TULP4: variants seen among roughly 807,000 people sequenced by gnomAD.
The protein encoded by TULP4 is TUB like protein 4.
Under a neutral mutation model 129.0 loss-of-function variants are expected in TULP4, and 16 were observed. That is an observed-to-expected ratio of 0.12 (90% CI 0.08 to 0.19). The LOEUF is 0.19. TULP4 is among the 10% of genes least tolerant of loss of function. TULP4 has a pLI of 1.00. For missense variants in TULP4, 1,842 were observed against 2,059.1 expected (o/e 0.89, Z 2.04); for synonymous variants, 998 against 854.0 (o/e 1.17, Z -2.94).
Position 158,504,015 on chromosome 6 carries a change from G to T in TULP4, c.4352G>T (p.Ser1451Ile), listed in dbSNP as rs1345792286. The T allele has an allele frequency of 1.9e-6, 3 of 1,612,450 alleles. No individual in the cohort carries two copies. The highest frequency in any genetic ancestry group is 2.5e-6 in the Non-Finnish European group (3 of 1,179,350). ...ELEEAKCRRA[S>I]EKEDGRLGSQ... ...GAGGAGGCCAAGTGCCGGCGGGCCAGTGAGAAGGAGGACGGGCGGCTGGGC... is the reference window on the plus strand; with the variant it reads ...GAGGAGGCCAAGTGCCGGCGGGCCATTGAGAAGGAGGACGGGCGGCTGGGC... Residue 1451 changes from serine (S) to isoleucine (I), a missense_variant, in exon 13 of 14, where the codon AGT (serine) becomes ATT (isoleucine). Physicochemically the swap from Ser to Ile is moderately radical, Grantham distance 142. Transcript: ENST00000367097.
At chr6:158,329,813 C>T (rs1459409657) in intron 1 of TULP4, among the ~76,000 whole-genome samples, 1 of 67,842 alleles carries the variant, frequency 1.5e-5, no homozygotes, top group African/African-American at 4.3e-5. Context: ...TTTAATTGTG[C>T]TTTGAAAAAC....
intron 1 of TULP4, among the ~76,000 whole-genome samples, chr6:158,411,549 A>G (rs1038483648): frequency 6.6e-6 from 1 of 152,222 alleles, no homozygotes; most frequent in Non-Finnish European, 1.5e-5. Flanking sequence ...TGATTTTTGC[A>G]GTTTTAAAAA....
Position 158,489,590 on chromosome 6 carries a change from G to A in TULP4, c.1489G>A (p.Glu497Lys). The A allele has an allele frequency of 6.2e-7, 1 of 1,614,120 alleles. No homozygotes were observed. The highest frequency in any genetic ancestry group is 8.5e-7 in the Non-Finnish European group (1 of 1,180,022). The change falls in exon 9 of 14, where the codon GAA (glutamate) becomes AAA (lysine). Residue 497 changes from glutamate (E) to lysine (K), a missense_variant and splice_region_variant. Transcript: ENST00000367097. The part of the protein sequence containing the change: ...MDPRTDSKPD[E>K]IYGNSLISTV... ...TCTGCTGGTTGGTGTTTTACCAGAT[G>A]AAATCTATGGGAACAGCTTGATTTC...
In TULP4 at chr6:158,420,656, T is replaced by G. The variant is rs1234493877; in HGVS notation, c.381+7463T>G. On this transcript the variant is annotated intron_variant, in intron 2 of 13. Coordinates refer to ENST00000367097, the MANE Select transcript of TULP4 (RefSeq NM_020245.5). ...GCCACTACACCTGGCTAATTTTTGT[T>G]TTTTTTTAGTAGAGACGAGGTTTCA... 4.0e-5 allele frequency among the ~76,000 whole-genome samples: 6 copies of G among 151,218 alleles called. No individual in the cohort carries two copies. The East Asian group carries it at 1.2e-3, about 30-fold the overall frequency.
chr6:158,401,432 G>C lies in TULP4; in HGVS notation c.253-11633G>C, dbSNP rs528268889. ...ACTAACAAGAACTGTATAAAACATAGTGCATATGTGTGCACGCAGTTTGCT... is the reference window on the plus strand; with the variant it reads ...ACTAACAAGAACTGTATAAAACATACTGCATATGTGTGCACGCAGTTTGCT... On this transcript the variant is annotated intron_variant, in intron 1 of 13. Coordinates refer to ENST00000367097, the MANE Select transcript of TULP4 (RefSeq NM_020245.5). Among the ~76,000 whole-genome samples, 6 of 152,298 alleles carry C rather than the reference G, an allele frequency of 3.9e-5. No homozygotes were observed. The East Asian group carries it at 7.7e-4, about 20-fold the overall frequency.
upstream of TULP4, chr6:158,232,196 G>A (rs1777608587): frequency 6.7e-6 from 1 of 148,284 alleles, no homozygotes. Flanking sequence ...AAGGGAGGCG[G>A]AGACTCGGCC....
intron 1 of TULP4, among the ~76,000 whole-genome samples, chr6:158,380,910 A>AAAAAAAAAGAAG (rs779845034): frequency 3.0e-5 from 4 of 135,046 alleles, no homozygotes; most frequent in African/African-American, 1.0e-4. Context: ...AAAAAAAAAA[A>AAAAAAAAAGAAG]AAGAAGAAGA....
intron 1 of TULP4, among the ~76,000 whole-genome samples, chr6:158,241,023 T>A (rs1243078981): frequency 7.5e-6 from 1 of 134,108 alleles, no homozygotes; most frequent in Non-Finnish European, 1.7e-5. Context: ...TCTCCTCACT[T>A]CTCAGATGGG....
At chr6:158,331,739 A>ATC in intron 1 of TULP4, among the ~76,000 whole-genome samples, 1 of 23,538 alleles carries the variant, frequency 4.2e-5, no homozygotes. Flanking sequence ...ATACGTATAT[A>ATC]TATACGTGTA....
chr6:158,463,406 C>T (rs1179359614), intron 6 of TULP4, among the ~76,000 whole-genome samples: 2 of 151,674 alleles, frequency 1.3e-5, no homozygotes, highest in South Asian at 2.1e-4. Context: ...GCGTAATAGA[C>T]GTATGCCTGG....
intron 1 of TULP4, among the ~76,000 whole-genome samples, chr6:158,405,627 A>G (rs1204877883): frequency 1.3e-5 from 2 of 152,200 alleles, no homozygotes; most frequent in Non-Finnish European, 2.9e-5. Context: ...CAGCAAGTCT[A>G]GACACATTCC....
At position 158,475,556 on chromosome 6, in the gene TULP4, C is replaced by T. The variant is rs181476869; in HGVS notation, c.1027-4195C>T. On this transcript the variant is annotated intron_variant, in intron 6 of 13. Coordinates refer to ENST00000367097, the MANE Select transcript of TULP4 (RefSeq NM_020245.5). ...GCAGACAGCAGCTGTTCAAACACAA[C>T]GTGAATCTGGGAGCTTTGAAGAGCT... Among the ~76,000 whole-genome samples the T allele has an allele frequency of 3.5e-3, 532 of 152,288 alleles. 2 individuals are homozygous for T. Among genetic ancestry groups the T allele is most frequent in the Admixed American group, 5.6e-3 (85 of 15,298 alleles).
intron 3 of TULP4, among the ~76,000 whole-genome samples, chr6:158,446,447 G>A (rs1333581464): frequency 6.6e-6 from 1 of 152,138 alleles, no homozygotes; most frequent in African/African-American, 2.4e-5. Context: ...AACTTAATCA[G>A]TCCTTATTCA....
chr6:158,285,152 G>A (rs973112326), intron 1 of TULP4, among the ~76,000 whole-genome samples: 1 of 152,116 alleles, frequency 6.6e-6, no homozygotes, highest in African/African-American at 2.4e-5. Context: ...CTAACAGATT[G>A]TGAACAGTTT....
intron 1 of TULP4, among the ~76,000 whole-genome samples, chr6:158,331,317 CTA>C (rs1779872541): frequency 6.6e-6 from 1 of 152,094 alleles, no homozygotes; most frequent in South Asian, 2.1e-4. Flanking sequence ...CTGTTGTTCC[CTA>C]TCCACCCACC....
chr6:158,368,042 C>T (rs1776969053), intron 1 of TULP4, among the ~76,000 whole-genome samples: 2 of 136,236 alleles, frequency 1.5e-5, no homozygotes, highest in Non-Finnish European at 3.1e-5. Context: ...CAGTGAGTCA[C>T]TCCAGCCTGG....
rs865922779 is a variant in TULP4, at chr6:158,454,028, C to T, written c.859+1760C>T. Among the ~76,000 whole-genome samples the T allele has an allele frequency of 5.2e-4, 77 of 148,946 alleles. 7 individuals are homozygous for T. The highest frequency in any genetic ancestry group is 1.9e-3 in the African/African-American group (76 of 40,040). ...CATACCTGCCTCTGCACCGCCCCCC[C>T]CCAAGTAATTACTCTATTTTTAAAC... On this transcript the variant is annotated intron_variant, in intron 5 of 13. Coordinates refer to ENST00000367097, the MANE Select transcript of TULP4 (RefSeq NM_020245.5).
At chr6:158,315,999 T>C (rs558122439) in intron 1 of TULP4, among the ~76,000 whole-genome samples, 98 of 152,352 alleles carry the variant, frequency 6.4e-4, no homozygotes, top group Middle Eastern at 3.4e-3. Flanking sequence ...TCCTGAGAAG[T>C]AACTCATATT....
At chr6:158,330,086 A>G (rs991707889) in intron 1 of TULP4, among the ~76,000 whole-genome samples, 1 of 152,262 alleles carries the variant, frequency 6.6e-6, no homozygotes, top group South Asian at 2.1e-4. Flanking sequence ...ATATATCTAA[A>G]ATATTTCAGC....
Sources: gnomAD v4.1 joint callset for allele counts (sites outside exome capture counted in the v4.1 genomes callset) on GRCh38, gnomAD v4.1.1 for gene constraint, MANE v1.5 for transcripts, NCBI Gene and HGNC (gene_info 2026-07-23, HGNC 2026-07-21) for gene names.